The following FMNL2 variants were observed in gnomAD, a reference collection of about 807,000 sequenced individuals.
The protein encoded by FMNL2 is formin-like protein 2.
FMNL2 carries 51 observed loss-of-function variants against 130.2 expected under a neutral mutation model. The observed-to-expected ratio is 0.39, with a 90% CI of 0.31 to 0.49. The LOEUF (loss-of-function observed/expected upper bound fraction) is 0.49, where lower values mean the gene tolerates loss of function less well. FMNL2 is among the 20% of genes least tolerant of loss of function. FMNL2 has a pLI of 0.85. For synonymous variants in FMNL2, 465 were observed against 467.1 expected (o/e 1.00, Z 0.06); for missense variants, 977 against 1,316.2 (o/e 0.74, Z 3.99).
chr2:152,348,201 C>T (rs1286345674), intron 1 of FMNL2, among the ~76,000 whole-genome samples: 4 of 152,190 alleles, frequency 2.6e-5, no homozygotes, highest in African/African-American at 9.7e-5. Context: ...ACTCATGAGG[C>T]ACTTGATTAA....
At chr2:152,344,542 C>A (rs923075595) in intron 1 of FMNL2, among the ~76,000 whole-genome samples, 1 of 152,068 alleles carries the variant, frequency 6.6e-6, no homozygotes, top group Non-Finnish European at 1.5e-5. Context: ...AAGGATAAAT[C>A]CTGTTGAATG....
rs369735169 is a variant in FMNL2 at position 152,406,796 on chromosome 2, T to C, written c.117+71076T>C. 2.6e-5 allele frequency among the ~76,000 whole-genome samples: 4 copies of C among 152,366 alleles called. No individual in the cohort carries two copies. In the East Asian group the frequency reaches 7.7e-4, roughly 29 times the overall value. ...AGACGTTTCATTTACATTTTGTTCT[T>C]ACTGATTTAGAAAAGTTTATTGTTT... On this transcript the variant is annotated intron_variant, in intron 1 of 25. Coordinates refer to ENST00000288670, the MANE Select transcript of FMNL2 (RefSeq NM_052905.4).
At chr2:152,636,225 T>C (rs567485787) in intron 21 of FMNL2, among the ~76,000 whole-genome samples, 72 of 152,334 alleles carry the variant, frequency 4.7e-4, no homozygotes, top group Admixed American at 1.9e-3. Context: ...ATGATGCAAA[T>C]GAACTAGTGC....
intron 1 of FMNL2, among the ~76,000 whole-genome samples, chr2:152,400,807 G>A (rs1452393264): frequency 1.3e-5 from 2 of 152,220 alleles, no homozygotes; most frequent in East Asian, 1.9e-4. Flanking sequence ...AACCAAAAAT[G>A]TCTGTAGACT....
At chr2:152,552,568 CT>C (rs1156839432) in intron 4 of FMNL2, among the ~76,000 whole-genome samples, 1 of 151,956 alleles carries the variant, frequency 6.6e-6, no homozygotes, top group Non-Finnish European at 1.5e-5. Flanking sequence ...GCCTAAAACT[CT>C]ATAAATGGAA....
At chr2:152,543,916 C>T (rs917677000) in intron 3 of FMNL2, among the ~76,000 whole-genome samples, 1 of 152,060 alleles carries the variant, frequency 6.6e-6, no homozygotes, top group Non-Finnish European at 1.5e-5. Flanking sequence ...TGTGACACAA[C>T]CTTCAATCCA....
At chr2:152,588,771 C>T (rs920234285) in intron 9 of FMNL2, among the ~76,000 whole-genome samples, 9 of 151,906 alleles carry the variant, frequency 5.9e-5, no homozygotes, top group Non-Finnish European at 1.3e-4. Flanking sequence ...CAGAAAAGGC[C>T]CCCTTGCTTA....
chr2:152,417,359 A>G (rs1484121499), intron 1 of FMNL2, among the ~76,000 whole-genome samples: 1 of 152,172 alleles, frequency 6.6e-6, no homozygotes, highest in East Asian at 1.9e-4. Context: ...TCATTGAATG[A>G]CATCGATGTG....
chr2:152,601,901 C>G (rs983543212), intron 9 of FMNL2, among the ~76,000 whole-genome samples: 3 of 152,060 alleles, frequency 2.0e-5, no homozygotes, highest in African/African-American at 7.2e-5. Flanking sequence ...AACTCCTGAC[C>G]TCAGGTGATC....
intron 1 of FMNL2, among the ~76,000 whole-genome samples, chr2:152,433,676 G>T (rs557601684): frequency 6.6e-6 from 1 of 152,130 alleles, no homozygotes; most frequent in Non-Finnish European, 1.5e-5. Context: ...TGGCCTGGAG[G>T]TCCTTGGGGA....
At chr2:152,511,893 A>G (rs1293354441) in intron 1 of FMNL2, among the ~76,000 whole-genome samples, 1 of 152,172 alleles carries the variant, frequency 6.6e-6, no homozygotes, top group Non-Finnish European at 1.5e-5. Context: ...GAATCTTGAT[A>G]TCTAATATGT....
chr2:152,471,153 G>GAA (rs57848148), intron 1 of FMNL2, among the ~76,000 whole-genome samples: 1 of 137,914 alleles, frequency 7.3e-6, no homozygotes, highest in Admixed American at 7.3e-5. Flanking sequence ...GTGATTTAAA[G>GAA]AAAAAAAAAA....
chr2:152,388,795 C>T (rs1334261718), intron 1 of FMNL2, among the ~76,000 whole-genome samples: 1 of 152,134 alleles, frequency 6.6e-6, no homozygotes, highest in Non-Finnish European at 1.5e-5. Flanking sequence ...AAGAGAAATT[C>T]ATCAACTAAA....
chr2:152,412,825 A>G (rs1686396876), intron 1 of FMNL2, among the ~76,000 whole-genome samples: 1 of 152,022 alleles, frequency 6.6e-6, no homozygotes, highest in Non-Finnish European at 1.5e-5. Flanking sequence ...AGCTAAACTG[A>G]AATGGAAATT....
intron 6 of FMNL2, among the ~76,000 whole-genome samples, chr2:152,574,066 G>A (rs1371798468): frequency 6.6e-6 from 1 of 152,142 alleles, no homozygotes; most frequent in Admixed American, 6.6e-5. Flanking sequence ...CTTAGAAAGA[G>A]ACTATTGCAA....
chr2:152,409,599 T>C (rs929604799), intron 1 of FMNL2, among the ~76,000 whole-genome samples: 2 of 152,206 alleles, frequency 1.3e-5, no homozygotes, highest in African/African-American at 4.8e-5. Flanking sequence ...GAGAGTTACA[T>C]CAAATGGAGT....
chr2:152,455,688 A>T (rs1180163985), intron 1 of FMNL2, among the ~76,000 whole-genome samples: 1 of 152,214 alleles, frequency 6.6e-6, no homozygotes, highest in Non-Finnish European at 1.5e-5. Flanking sequence ...TTGTAGTGAT[A>T]TGGATATATA....
rs185496972 is a variant in FMNL2 at position 152,504,506 on chromosome 2, A to C, written c.118-17437A>C. Among the ~76,000 whole-genome samples the C allele has an allele frequency of 3.1e-3, 479 of 152,082 alleles. 1 individual carries two copies. Among genetic ancestry groups the C allele is most frequent in the Admixed American group, 8.0e-3 (123 of 15,282 alleles). On this transcript the variant is annotated intron_variant, in intron 1 of 25. Coordinates refer to ENST00000288670, the MANE Select transcript of FMNL2 (RefSeq NM_052905.4). ...GTGATCCGCCTGCTTCGGCCTCCCA[A>C]AGTGCTGGGATTACAGGCATGAGCC...
chr2:152,519,332 C>T (rs1387359589), intron 1 of FMNL2, among the ~76,000 whole-genome samples: 1 of 152,156 alleles, frequency 6.6e-6, no homozygotes. Context: ...GGATTCCCAC[C>T]GTGCCACCCA....
Sources: gnomAD v4.1 joint callset for allele counts (sites outside exome capture counted in the v4.1 genomes callset) on GRCh38, gnomAD v4.1.1 for gene constraint, MANE v1.5 for transcripts, NCBI Gene and HGNC (gene_info 2026-07-23, HGNC 2026-07-21) for gene names.